CYTH1: variants seen among roughly 807,000 people sequenced by gnomAD.
CYTH1 encodes the protein cytohesin 1.
CYTH1 carries 18 observed loss-of-function variants against 61.8 expected under a neutral mutation model. The observed-to-expected ratio is 0.29, with a 90% CI of 0.20 to 0.43. The LOEUF (loss-of-function observed/expected upper bound fraction) is 0.43, where lower values mean the gene tolerates loss of function less well. Among genes scored for constraint, CYTH1 ranks in the 20% least tolerant of loss-of-function variants. The pLI, the probability that CYTH1 is intolerant of heterozygous loss-of-function variation, is 1.00. For missense variants in CYTH1, 336 were observed against 510.5 expected, an observed-to-expected ratio of 0.66 and a Z score of 3.29; for synonymous variants, 174 against 184.3, an observed-to-expected ratio of 0.94 and a Z score of 0.45.
intron 1 of CYTH1, among the ~76,000 whole-genome samples, chr17:78,769,429 T>C (rs1243314237): frequency 6.6e-6 from 1 of 152,154 alleles, no homozygotes; most frequent in East Asian, 1.9e-4. Flanking sequence ...GTTCTCCTAC[T>C]TGGCACTAAC....
At chr17:78,679,596 C>T (rs377089917) in intron 13 of CYTH1, among the ~76,000 whole-genome samples, 1 of 152,144 alleles carries the variant, frequency 6.6e-6, no homozygotes, top group African/African-American at 2.4e-5. Flanking sequence ...TTTCCAGCCC[C>T]GTGATAGACC....
chr17:78,746,979 T>TA (rs1401691413), intron 1 of CYTH1, among the ~76,000 whole-genome samples: 1 of 151,216 alleles, frequency 6.6e-6, no homozygotes, highest in Non-Finnish European at 1.5e-5. Context: ...ACTGATTTAT[T>TA]AAAAAAAGAT....
intron 1 of CYTH1, among the ~76,000 whole-genome samples, chr17:78,770,325 CAAAAAAAAAA>C (rs34583082): frequency 2.3e-5 from 1 of 43,830 alleles, no homozygotes; most frequent in Non-Finnish European, 5.4e-5. Context: ...TTCCCATCTC[CAAAAAAAAAA>C]AAAAGAAAAG....
intron 1 of CYTH1, among the ~76,000 whole-genome samples, chr17:78,721,990 C>T (rs564793398): frequency 2.4e-4 from 36 of 151,946 alleles, no homozygotes; most frequent in Admixed American, 5.9e-4. Flanking sequence ...GAGGGTGCAG[C>T]GAGCCGAGAT....
intron 1 of CYTH1, among the ~76,000 whole-genome samples, chr17:78,764,794 C>A (rs2093441846): frequency 6.6e-6 from 1 of 152,010 alleles, no homozygotes; most frequent in South Asian, 2.1e-4. Flanking sequence ...ATGTGCCAGG[C>A]CCTGTTTCTG....
chr17:78,722,055 A>G (rs2093233777), intron 1 of CYTH1, among the ~76,000 whole-genome samples: 1 of 152,190 alleles, frequency 6.6e-6, no homozygotes, highest in African/African-American at 2.4e-5. Flanking sequence ...CTCACAAAAC[A>G]AAAAAGTAAG....
At chr17:78,697,888 A>G (rs1167558742) in intron 9 of CYTH1, among the ~76,000 whole-genome samples, 3 of 152,228 alleles carry the variant, frequency 2.0e-5, no homozygotes, top group African/African-American at 7.2e-5. Flanking sequence ...AAACCTGGTC[A>G]ACCAATTCAA....
intron 11 of CYTH1, among the ~76,000 whole-genome samples, chr17:78,683,195 G>A (rs950337876): frequency 3.6e-4 from 54 of 152,050 alleles, no homozygotes; most frequent in Non-Finnish European, 5.7e-4. Flanking sequence ...TTTCGCAGCT[G>A]TGATGTCACC....
rs536311535 is a variant in CYTH1 at position 78,728,982 on chromosome 17, C to T, written c.23-19250G>A. 4.6e-5 allele frequency among the ~76,000 whole-genome samples: 7 copies of T among 152,260 alleles called. No individual in the cohort carries two copies. The South Asian group carries it at 1.4e-3, about 31-fold the overall frequency. The stretch of plus-strand genomic sequence containing the variant: ...TATAGTCATAATATTGGTGAGTCTG[C>T]TCATTTGCGACATGAAAATGAAAAG... On this transcript the variant is annotated intron_variant, in intron 1 of 13. Transcript: ENST00000446868.
chr17:78,722,917 G>GC (rs2093241066), intron 1 of CYTH1, among the ~76,000 whole-genome samples: 2 of 152,216 alleles, frequency 1.3e-5, no homozygotes, highest in African/African-American at 2.4e-5. Flanking sequence ...GCTGTTTTCT[G>GC]CCCCCCTATT....
intron 1 of CYTH1, among the ~76,000 whole-genome samples, chr17:78,764,615 T>C (rs2144729295): frequency 6.6e-6 from 1 of 152,088 alleles, no homozygotes; most frequent in Non-Finnish European, 1.5e-5. Context: ...AACCCCAAAA[T>C]AATGGAAGAA....
At chr17:78,704,411 T>C (rs905807939) in intron 3 of CYTH1, among the ~76,000 whole-genome samples, 4 of 152,228 alleles carry the variant, frequency 2.6e-5, no homozygotes, top group Admixed American at 2.6e-4. Flanking sequence ...AAAAAGTTGC[T>C]CGGAAATAAA....
intron 1 of CYTH1, among the ~76,000 whole-genome samples, chr17:78,773,395 C>T (rs1567886894): frequency 6.6e-6 from 1 of 152,158 alleles, no homozygotes; most frequent in South Asian, 2.1e-4. Context: ...TTTGGGAGGC[C>T]GAGGCGGACG....
In CYTH1 at chr17:78,680,480, G is replaced by A. The variant is rs954625813; in HGVS notation, c.964-136C>T. On this transcript the variant is annotated intron_variant, in intron 12 of 13. Coordinates refer to ENST00000446868, the MANE Select transcript of CYTH1 (RefSeq NM_004762.6). ...GGAATACATATTTTCCTGTGGAAAA[G>A]TGAAGCCTAGAAGCGGAATTCTAGA... The A allele has an allele frequency of 3.8e-6, 4 of 1,062,328 alleles. No individual in the cohort carries two copies. The African/African-American group carries it at 4.8e-5, about 13-fold the overall frequency. 65.8% of individuals were successfully genotyped at this position (1,062,328 alleles called of 1,614,324 possible).
chr17:78,758,361 GC>G (rs1477617432), intron 1 of CYTH1, among the ~76,000 whole-genome samples: 2 of 152,140 alleles, frequency 1.3e-5, no homozygotes, highest in African/African-American at 4.8e-5. Context: ...AGCATGACAT[GC>G]CCCCATTGAG....
At chr17:78,692,535 A>G (rs1206913335) in intron 10 of CYTH1, 42 bp from the exon 11 acceptor site, 2 of 1,590,802 alleles carry the variant, frequency 1.3e-6, no homozygotes, top group East Asian at 2.2e-5. Context: ...AGAGACAACC[A>G]GACAAGTGCA....
At chr17:78,699,361 C>G (rs960452375) in intron 7 of CYTH1, among the ~76,000 whole-genome samples, 1 of 149,402 alleles carries the variant, frequency 6.7e-6, no homozygotes, top group African/African-American at 2.5e-5. Context: ...GAGACTCCAT[C>G]TCAGAAAAAA....
intron 1 of CYTH1, among the ~76,000 whole-genome samples, chr17:78,722,546 C>T (rs1019629999): frequency 1.3e-5 from 2 of 152,164 alleles, no homozygotes; most frequent in Non-Finnish European, 2.9e-5. Flanking sequence ...CCGTGCCTGC[C>T]AGCTGCAACC....
intron 2 of CYTH1, 37 bp downstream of exon 2, chr17:78,709,613 T>C: frequency 6.2e-7 from 1 of 1,609,160 alleles, no homozygotes; most frequent in African/African-American, 1.3e-5. Flanking sequence ...GTCACTGTGG[T>C]TCTTACGTTG....
Sources: gnomAD v4.1 joint callset for allele counts (sites outside exome capture counted in the v4.1 genomes callset) on GRCh38, gnomAD v4.1.1 for gene constraint, MANE v1.5 for transcripts, NCBI Gene and HGNC (gene_info 2026-07-23, HGNC 2026-07-21) for gene names.